CFAP70: variants seen among roughly 807,000 people sequenced by gnomAD.
CFAP70 encodes cilia- and flagella-associated protein 70.
Under a neutral mutation model 137.6 loss-of-function variants are expected in CFAP70, and 81 were observed. That is an observed-to-expected ratio of 0.59 (90% CI 0.49 to 0.71). The LOEUF (loss-of-function observed/expected upper bound fraction) is 0.71, where lower values mean the gene tolerates loss of function less well. Ranked by LOEUF, CFAP70 falls within the 30% of genes least tolerant of loss-of-function variation. The pLI is 0.00. For synonymous variants in CFAP70, 382 were observed against 423.6 expected, an observed-to-expected ratio of 0.90 and a Z score of 1.20; for missense variants, 976 against 1,226.7, an observed-to-expected ratio of 0.80 and a Z score of 3.05.
chr10:73,288,498 C>A (rs1244383783), intron 19 of CFAP70, among the ~76,000 whole-genome samples: 1 of 152,166 alleles, frequency 6.6e-6, no homozygotes, highest in African/African-American at 2.4e-5. Context: ...TTGGCAACTA[C>A]TTCTCTATGA....
intron 9 of CFAP70, among the ~76,000 whole-genome samples, chr10:73,318,750 C>G (rs917269841): frequency 6.6e-6 from 1 of 152,202 alleles, no homozygotes; most frequent in African/African-American, 2.4e-5. Flanking sequence ...TTATGATACA[C>G]TGTTTCCCTC....
At chr10:73,324,049 C>A (rs932265106) in intron 8 of CFAP70, among the ~76,000 whole-genome samples, 18 of 152,190 alleles carry the variant, frequency 1.2e-4, no homozygotes, top group Non-Finnish European at 1.8e-4. Context: ...GGTCCCTGAC[C>A]CCTGACCCCC....
At chr10:73,322,710 G>T (rs904054043) in intron 9 of CFAP70, among the ~76,000 whole-genome samples, 2 of 152,014 alleles carry the variant, frequency 1.3e-5, no homozygotes, top group Admixed American at 6.6e-5. Context: ...ATCATACAGA[G>T]GTACCACACA....
At chr10:73,312,756 CAG>C in intron 9 of CFAP70, 113 bp from the exon 11 acceptor site, 32 of 935,194 alleles carry the variant, frequency 3.4e-5, no homozygotes, top group Admixed American at 8.0e-5. Flanking sequence ...CATTTAATAT[CAG>C]AGAGAGAGAA....
chr10:73,359,551 A>C (rs976669690), upstream of CFAP70, among the ~76,000 whole-genome samples: 1 of 152,240 alleles, frequency 6.6e-6, no homozygotes, highest in African/African-American at 2.4e-5. Flanking sequence ...ATTGAATAAA[A>C]TAGGAATATG....
Position 73,293,355 on chromosome 10 carries a change from T to C in CFAP70, c.1678A>G (p.Thr560Ala), listed in dbSNP as rs374908871. 6 of 1,610,562 alleles carry C rather than the reference T, an allele frequency of 3.7e-6. No homozygotes were observed. The South Asian group carries it at 4.4e-5, about 12-fold the overall frequency. ...AGCTGTTCACTGCTTGTATAAATGG[T>C]TGCAACAGTGCCTTGGACATCATCT... is the stretch of plus-strand genomic sequence containing the variant. Residue 560 changes from threonine (T) to alanine (A), a missense_variant, in exon 16 of 27, where the codon ACC (threonine) becomes GCC (alanine). Thr to Ala is a moderately conservative substitution (Grantham distance 58). Coordinates refer to ENST00000310715, the Ensembl canonical transcript of CFAP70.
chr10:73,293,246 G>C lies in CFAP70; in HGVS notation c.1770+17C>G. 6.3e-7 allele frequency: 1 copy of C among 1,591,730 alleles called. No homozygotes were observed. The highest frequency in any genetic ancestry group is 8.5e-7 in the Non-Finnish European group (1 of 1,171,798). ...TCACAAATAATAGTAACAATCACTG[G>C]GAAGATGTTTAATTACCTCTTTATA... On this transcript the variant is annotated intron_variant, in intron 16 of 26. Transcript: ENST00000310715.
chr10:73,266,163 A>G (rs2045740396), intron 25 of CFAP70, among the ~76,000 whole-genome samples: 1 of 152,128 alleles, frequency 6.6e-6, no homozygotes, highest in Admixed American at 6.6e-5. Context: ...GATGACATTG[A>G]TTTTTATATT....
At position 73,337,418 on chromosome 10, in the gene CFAP70, A is replaced by G. The variant is rs938983408; in HGVS notation, c.583-1894T>C. ...AGAATAGCTTGAACCCAAGAGGCAG[A>G]GGTTGCAGTGAGCTGAGATAGCGCC... On this transcript the variant is annotated intron_variant, in intron 6 of 26. Transcript: ENST00000310715. 7.9e-5 allele frequency among the ~76,000 whole-genome samples: 12 copies of G among 152,196 alleles called. 1 individual carries two copies. The highest frequency in any genetic ancestry group is 1.6e-4 in the Non-Finnish European group (11 of 68,024).
At chr10:73,291,827 G>T (rs768298539) in intron 17 of CFAP70, 54 bp downstream of exon 18, 1 of 1,613,056 alleles carries the variant, frequency 6.2e-7, no homozygotes, top group Non-Finnish European at 8.5e-7. Flanking sequence ...ACAATTTCAC[G>T]TAGAAACTTA....
intron 12 of CFAP70, among the ~76,000 whole-genome samples, chr10:73,306,561 GA>G (rs888455528): frequency 1.3e-5 from 2 of 151,162 alleles, no homozygotes; most frequent in African/African-American, 4.9e-5. Flanking sequence ...AAGTCTGAAA[GA>G]AAAAAAAATT....
At chr10:73,337,172 A>C (rs1007809671) in intron 6 of CFAP70, among the ~76,000 whole-genome samples, 1 of 152,202 alleles carries the variant, frequency 6.6e-6, no homozygotes, top group South Asian at 2.1e-4. Context: ...AACACCTTAT[A>C]CACTCAGTTT....
At chr10:73,331,404 G>A (rs2052068416) in intron 7 of CFAP70, 128 bp from the exon 9 acceptor site, 6 of 708,256 alleles carry the variant, frequency 8.5e-6, no homozygotes, top group Non-Finnish European at 1.3e-5. Context: ...GGGGGGCTCG[G>A]CTCAGTGGCT....
intron 25 of CFAP70, among the ~76,000 whole-genome samples, chr10:73,264,981 A>G (rs2045615029): frequency 6.6e-6 from 1 of 152,174 alleles, no homozygotes; most frequent in African/African-American, 2.4e-5. Context: ...GTCCTGTAGA[A>G]TCTACTCTCA....
chr10:73,300,569 T>C (rs1163846200), intron 12 of CFAP70, among the ~76,000 whole-genome samples: 1 of 152,112 alleles, frequency 6.6e-6, no homozygotes, highest in African/African-American at 2.4e-5. Flanking sequence ...TCATTCAAAA[T>C]AGATACTGAG....
intron 6 of CFAP70, among the ~76,000 whole-genome samples, chr10:73,337,997 C>G (rs2052845744): frequency 6.6e-6 from 1 of 152,110 alleles, no homozygotes; most frequent in Non-Finnish European, 1.5e-5. Context: ...ATCTGAAAAT[C>G]AAGTGAAGAA....
intron 25 of CFAP70, among the ~76,000 whole-genome samples, chr10:73,266,801 G>A (rs2045817522): frequency 6.6e-6 from 1 of 152,010 alleles, no homozygotes; most frequent in South Asian, 2.1e-4. Flanking sequence ...TCATGCAAGA[G>A]GTTTGTCTGT....
chr10:73,352,342 G>A (rs2054342365), intron 3 of CFAP70, among the ~76,000 whole-genome samples: 1 of 152,208 alleles, frequency 6.6e-6, no homozygotes, highest in South Asian at 2.1e-4. Flanking sequence ...GCTTGATTGA[G>A]GGTGGGGGTT....
At chr10:73,277,583 C>T (rs1003139603) in intron 20 of CFAP70, among the ~76,000 whole-genome samples, 1 of 152,024 alleles carries the variant, frequency 6.6e-6, no homozygotes, top group Non-Finnish European at 1.5e-5. Context: ...CATGGTGGAA[C>T]GTGCCTGTAA....
Sources: gnomAD v4.1 joint callset for allele counts (sites outside exome capture counted in the v4.1 genomes callset) on GRCh38, gnomAD v4.1.1 for gene constraint, MANE v1.5 for transcripts, NCBI Gene and HGNC (gene_info 2026-07-23, HGNC 2026-07-21) for gene names.